Variants in CC2D2A observed in about 807,000 individuals in gnomAD.
The protein encoded by CC2D2A is coiled-coil and C2 domain-containing protein 2A.
A neutral mutation model predicts 212.9 loss-of-function variants in CC2D2A; 155 were observed. The ratio of observed to expected loss-of-function variants is 0.73; its 90% confidence interval spans 0.64 to 0.83. The LOEUF is 0.83. CC2D2A is among the 40% of genes least tolerant of loss of function. The pLI is 0.00. For missense variants in CC2D2A, 1,856 were observed against 1,956.2 expected (o/e 0.95, Z 0.97); for synonymous variants, 667 against 686.5 (o/e 0.97, Z 0.44).
intron 11 of CC2D2A, among the ~76,000 whole-genome samples, chr4:15,518,527 T>C (rs1483486080): frequency 6.6e-6 from 1 of 152,198 alleles, no homozygotes; most frequent in Non-Finnish European, 1.5e-5. Context: ...ATAGCTCCAC[T>C]AGGCAGTGCC....
intron 1 of CC2D2A, 152 bp from the exon 2 acceptor site, chr4:15,475,763 C>T (rs1321659618): frequency 1.6e-6 from 1 of 644,098 alleles, no homozygotes; most frequent in Non-Finnish European, 2.8e-6. Context: ...CTCCACCAAT[C>T]CTGGGGTCTG....
At chr4:15,475,894 T>A in intron 1 of CC2D2A, 21 bp from the exon 2 acceptor site, 1 of 1,549,620 alleles carries the variant, frequency 6.5e-7, no homozygotes, top group Non-Finnish European at 8.8e-7. Context: ...AATGCCTGAC[T>A]TCTTCATTGT....
intron 11 of CC2D2A, among the ~76,000 whole-genome samples, chr4:15,518,935 C>A (rs912720425): frequency 3.3e-5 from 5 of 152,318 alleles, no homozygotes; most frequent in African/African-American, 1.2e-4. Context: ...GCTTTGAAGA[C>A]CTCTGACATG....
At chr4:15,487,385 T>A (rs1315179673) in intron 4 of CC2D2A, among the ~76,000 whole-genome samples, 1 of 152,156 alleles carries the variant, frequency 6.6e-6, no homozygotes, top group African/African-American at 2.4e-5. Flanking sequence ...CCCTTTATCA[T>A]TGTATAATGA....
chr4:15,498,673 C>G (rs932150763), intron 4 of CC2D2A, among the ~76,000 whole-genome samples: 7 of 151,916 alleles, frequency 4.6e-5, no homozygotes, highest in African/African-American at 1.7e-4. Context: ...CATATTCTAC[C>G]AAGAAAAAAA....
intron 6 of CC2D2A, among the ~76,000 whole-genome samples, chr4:15,505,012 G>A (rs1456496489): frequency 2.0e-5 from 3 of 152,118 alleles, no homozygotes; most frequent in Non-Finnish European, 4.4e-5. Flanking sequence ...CCCGCTTCCC[G>A]CCTCTATAAA....
intron 4 of CC2D2A, among the ~76,000 whole-genome samples, chr4:15,498,685 G>A (rs888713740): frequency 6.6e-6 from 1 of 152,184 alleles, no homozygotes; most frequent in Non-Finnish European, 1.5e-5. Flanking sequence ...AGAAAAAAAT[G>A]AAAGTACTTA....
In CC2D2A at chr4:15,517,776, C is replaced by CA. The variant is rs34575672; in HGVS notation, c.1149+1028dup. On this transcript the variant is annotated intron_variant, in intron 11 of 36. Coordinates refer to ENST00000424120, the MANE Select transcript of CC2D2A (RefSeq NM_001378615.1). ...GGCATACCCAAGACTGGGCAATTTA[C>CA]AAAAAAAAGAGGTTTAATGGACTTA... Among the ~76,000 whole-genome samples, 507 of 151,634 alleles carry CA rather than the reference C, an allele frequency of 3.3e-3. 2 individuals are homozygous for CA. The highest frequency in any genetic ancestry group is 0.012 in the African/African-American group (476 of 41,326).
chr4:15,599,388 A>G lies in CC2D2A; in HGVS notation c.4497-141A>G, dbSNP rs1304950067. Reference sequence around the variant, plus strand: ...CCCAGGGAGTAGCCCATTATTAGACATTAACTATGCCTGGATAATCACAAC... The same window carrying G: ...CCCAGGGAGTAGCCCATTATTAGACGTTAACTATGCCTGGATAATCACAAC... On this transcript the variant is annotated intron_variant, in intron 35 of 36. Coordinates refer to ENST00000424120, the MANE Select transcript of CC2D2A (RefSeq NM_001378615.1). 1.0e-5 allele frequency: 6 copies of G among 573,084 alleles called. 1 individual carries two copies. The East Asian group carries it at 1.1e-4, about 11-fold the overall frequency. The allele number at this position is 573,084 out of a possible 1,614,324, so 35.5% of individuals were successfully genotyped here. A position where few individuals can be genotyped will look rare whatever the true frequency, so the allele number is the denominator to read the frequency against.
intron 18 of CC2D2A, among the ~76,000 whole-genome samples, chr4:15,552,717 CT>C (rs1048282567): frequency 2.0e-5 from 3 of 152,192 alleles, no homozygotes; most frequent in African/African-American, 7.2e-5. Flanking sequence ...AACAGTTTTG[CT>C]TCTTTAGCGC....
intron 6 of CC2D2A, among the ~76,000 whole-genome samples, chr4:15,506,994 C>T (rs1363401296): frequency 6.6e-6 from 1 of 151,006 alleles, no homozygotes; most frequent in Non-Finnish European, 1.5e-5. Context: ...AGGAGAATCT[C>T]GTGAACGCGG....
intron 17 of CC2D2A, among the ~76,000 whole-genome samples, chr4:15,549,374 G>T (rs1028884890): frequency 6.6e-6 from 1 of 152,086 alleles, no homozygotes; most frequent in Non-Finnish European, 1.5e-5. Context: ...TTAAGTCTGG[G>T]GTCCTGAATT....
chr4:15,595,847 T>C lies in CC2D2A; in HGVS notation c.4315-238T>C, dbSNP rs112535410. On this transcript the variant is annotated intron_variant, in intron 33 of 36. Transcript: ENST00000424120. ...TTTTTATCAAATCTACAGTCAACACTAAGGTACACCCCCAACTTCAGATAA... is the reference window on the plus strand; with the variant it reads ...TTTTTATCAAATCTACAGTCAACACCAAGGTACACCCCCAACTTCAGATAA... 4.2e-4 allele frequency: 133 copies of C among 314,468 alleles called. 2 individuals are homozygous for C. The highest frequency in any genetic ancestry group is 8.5e-4 in the Middle Eastern group (1 of 1,170). 19.5% of individuals were successfully genotyped at this position (314,468 alleles called of 1,614,324 possible). A position where few individuals can be genotyped will look rare whatever the true frequency, so the allele number is the denominator to read the frequency against.
rs779245267 is a variant in CC2D2A at position 15,511,401 on chromosome 4, C to T, written c.695C>T (p.Ala232Val). 1 of 1,549,310 alleles carries T rather than the reference C, an allele frequency of 6.5e-7. No homozygotes were observed. Among genetic ancestry groups the T allele is most frequent in the East Asian group, 2.4e-5 (1 of 40,904 alleles). Residue 232 changes from alanine to valine, a missense_variant, in exon 8 of 37, where the codon GCA (alanine) becomes GTA (valine). Coordinates refer to ENST00000424120, the MANE Select transcript of CC2D2A (RefSeq NM_001378615.1). ...GAAGGGGAAGAAGAAGAACCACCTGCACAAGGAGGAGGAAAGGAAATGGTA... is the reference window on the plus strand; with the variant it reads ...GAAGGGGAAGAAGAAGAACCACCTGTACAAGGAGGAGGAAAGGAAATGGTA... ...EEEGEEEEPP[A>V]QGGGKEMDEE... is the part of the protein sequence containing the mutation.
chr4:15,584,042 A>C (rs1720763195), intron 30 of CC2D2A, among the ~76,000 whole-genome samples: 1 of 152,140 alleles, frequency 6.6e-6, no homozygotes, highest in South Asian at 2.1e-4. Flanking sequence ...TCCTGTGTTC[A>C]TGGATTGGAA....
chr4:15,592,768 C>T (rs1242912065), intron 33 of CC2D2A, among the ~76,000 whole-genome samples: 3 of 152,072 alleles, frequency 2.0e-5, no homozygotes, highest in African/African-American at 7.3e-5. Context: ...TGTAACCAGC[C>T]CCAGAACCTT....
At chr4:15,501,862 C>T (rs1199939938) in intron 4 of CC2D2A, among the ~76,000 whole-genome samples, 1 of 152,096 alleles carries the variant, frequency 6.6e-6, no homozygotes, top group African/African-American at 2.4e-5. Flanking sequence ...ACAATAGCTG[C>T]CTGATAGTTC....
intron 4 of CC2D2A, among the ~76,000 whole-genome samples, chr4:15,495,728 T>C (rs1055944253): frequency 1.3e-5 from 2 of 152,212 alleles, no homozygotes; most frequent in Admixed American, 1.3e-4. Context: ...GAATGATTTA[T>C]ATTCCTTTGT....
At chr4:15,542,501 C>G (rs763530318) in intron 17 of CC2D2A, among the ~76,000 whole-genome samples, 1 of 152,182 alleles carries the variant, frequency 6.6e-6, no homozygotes, top group Non-Finnish European at 1.5e-5. Context: ...TGTGTTTTCC[C>G]ACTGAGCCTG....
Sources: gnomAD v4.1 joint callset for allele counts (sites outside exome capture counted in the v4.1 genomes callset) on GRCh38, gnomAD v4.1.1 for gene constraint, MANE v1.5 for transcripts, NCBI Gene and HGNC (gene_info 2026-07-23, HGNC 2026-07-21) for gene names.